The following TJP3 variants were observed in gnomAD, a reference collection of about 807,000 sequenced individuals.
TJP3 encodes tight junction protein ZO-3.
In TJP3, 85 loss-of-function variants were observed where a neutral mutation model predicts 104.2. That is an observed-to-expected ratio of 0.82 (90% CI 0.68 to 0.98). TJP3 has a LOEUF of 0.98. Ranked by LOEUF, TJP3 falls within the 50% of genes least tolerant of loss-of-function variation. The probability of loss-of-function intolerance (pLI) is 0.00; values close to 1 mark genes in which losing one functional copy is unlikely to be tolerated. For missense variants in TJP3, 1,367 were observed against 1,322.8 expected (o/e 1.03, Z -0.52); for synonymous variants, 550 against 550.6 (o/e 1.00, Z 0.02).
At position 3,718,220 on chromosome 19, in the gene TJP3, T is replaced by TGTGG. The variant is rs1242979788; in HGVS notation, c.-10+9662_-10+9663insGGTG. Among the ~76,000 whole-genome samples the TGTGG allele has an allele frequency of 2.8e-4, 18 of 63,520 alleles. No individual in the cohort carries two copies. In the South Asian group the frequency reaches 0.01, roughly 35 times the overall value. 41.7% of individuals were successfully genotyped at this position (63,520 alleles called of 152,430 possible). ...AAAAAAAAAAAAAAAAAAGTGTGTGTGTGTGTGTGTGTGTGTGTGTGTGTG... is the reference window on the plus strand; with the variant it reads ...AAAAAAAAAAAAAAAAAAGTGTGTGTGTGGGTGTGTGTGTGTGTGTGTGTGTGTG... On this transcript the variant is annotated intron_variant, in intron 1 of 20. Transcript: ENST00000541714.
chr19:3,738,785 T>C (rs1214843750), intron 12 of TJP3, 112 bp from the exon 13 acceptor site: 19 of 1,334,938 alleles, frequency 1.4e-5, no homozygotes, highest in Non-Finnish European at 1.7e-5. Flanking sequence ...TCCCTCTCCC[T>C]GGCCCCTACA....
In TJP3 at chr19:3,730,277, C is replaced by A; in HGVS notation, c.262-78C>A. On this transcript the variant is annotated intron_variant, in intron 4 of 20. Transcript: ENST00000541714. This position sits in a 1 kb window ranked among gnomAD's most constrained non-coding sequence, Gnocchi z 7.3. ...GGCCCAGAGAGAGACTGGTGTCCCCCAGGGCCACCCGGGGGCTGAGCAGAG... is the reference window on the plus strand; with the variant it reads ...GGCCCAGAGAGAGACTGGTGTCCCCAAGGGCCACCCGGGGGCTGAGCAGAG... The A allele has an allele frequency of 1.3e-6, 2 of 1,488,138 alleles. No homozygotes were observed. Among genetic ancestry groups the A allele is most frequent in the Admixed American group, 2.0e-5 (1 of 48,846 alleles). The allele number at this position is 1,488,138 out of a possible 1,614,324, so 92.2% of individuals were successfully genotyped here.
intron 11 of TJP3, 21 bp downstream of exon 11, chr19:3,736,342 C>T (rs746930780): frequency 6.6e-7 from 1 of 1,513,596 alleles, no homozygotes; most frequent in Non-Finnish European, 8.8e-7. Flanking sequence ...GGCGGCTGGC[C>T]AGCCCCACTG....
chr19:3,723,227 A>G (rs910528132), intron 1 of TJP3, among the ~76,000 whole-genome samples: 28 of 152,282 alleles, frequency 1.8e-4, no homozygotes, highest in Middle Eastern at 3.4e-3. Context: ...CTGACATCCC[A>G]CACCCCAATC....
At position 3,730,714 on chromosome 19, in the gene TJP3, G is replaced by A. The variant is rs1481796077; in HGVS notation, c.613+8G>A. On this transcript the variant is annotated splice_region_variant and intron_variant, in intron 5 of 20. Coordinates refer to ENST00000541714, the MANE Select transcript of TJP3 (RefSeq NM_001267560.2). This position sits in a 1 kb window ranked among gnomAD's most constrained non-coding sequence, Gnocchi z 7.3. ...AGAGGAGAGACAGCGAAGGTCAGAA[G>A]AGGCGGGAGGTCGGACACGATCAGT... 2 of 1,602,760 alleles carry A rather than the reference G, an allele frequency of 1.2e-6. No individual in the cohort carries two copies. Among genetic ancestry groups the A allele is most frequent in the Non-Finnish European group, 8.5e-7 (1 of 1,179,604 alleles).
chr19:3,748,953 T>G (rs2036948489), intron 19 of TJP3, among the ~76,000 whole-genome samples: 1 of 146,782 alleles, frequency 6.8e-6, no homozygotes, highest in African/African-American at 2.5e-5. Context: ...CGGCCTCCTG[T>G]GTTCAAGCGT....
chr19:3,725,016 T>A (rs1427614598), intron 1 of TJP3, among the ~76,000 whole-genome samples: 1 of 152,122 alleles, frequency 6.6e-6, no homozygotes, highest in Non-Finnish European at 1.5e-5. Flanking sequence ...ATTCCAACAC[T>A]TTAGGAGGCT....
At chr19:3,743,914 C>G in intron 14 of TJP3, 25 bp from the exon 15 acceptor site, 1 of 1,610,978 alleles carries the variant, frequency 6.2e-7, no homozygotes, top group Non-Finnish European at 8.5e-7. Context: ...GACCCTGATT[C>G]TTTCACTGTG....
chr19:3,737,095 G>C (rs1301522320), intron 11 of TJP3, among the ~76,000 whole-genome samples: 3 of 151,940 alleles, frequency 2.0e-5, no homozygotes, highest in African/African-American at 4.8e-5. Flanking sequence ...GGCCAGGCTG[G>C]TCTTGAACTC....
In TJP3 at chr19:3,746,921, C is replaced by T. The variant is rs145356635; in HGVS notation, c.2322+45C>T. On this transcript the variant is annotated intron_variant, in intron 18 of 20. Coordinates refer to ENST00000541714, the MANE Select transcript of TJP3 (RefSeq NM_001267560.2). This position sits in a 1 kb window ranked among gnomAD's most constrained non-coding sequence, Gnocchi z 4.1. ...GGGTCGGGCAGGGAGGCCCCACAGA[C>T]GCTGTGCAGGCCCAGCTGGGGTTTG... 4,832 of 1,536,098 alleles carry T rather than the reference C, an allele frequency of 3.1e-3. 8 individuals carry two copies. Among genetic ancestry groups the T allele is most frequent in the Middle Eastern group, 8.4e-3 (37 of 4,412 alleles).
intron 11 of TJP3, 110 bp downstream of exon 11, chr19:3,736,431 A>AC (rs1406217768): frequency 1.8e-6 from 2 of 1,119,222 alleles, no homozygotes; most frequent in African/African-American, 3.2e-5. Context: ...GACTGTCGAG[A>AC]CCCCAGATGG....
chr19:3,748,848 CTTTTTTTT>C (rs71166925), intron 19 of TJP3, among the ~76,000 whole-genome samples: 5 of 48,840 alleles, frequency 1.0e-4, no homozygotes, highest in Admixed American at 6.4e-4. Flanking sequence ...TGCACCCGGC[CTTTTTTTT>C]TTTTTTTTTT....
chr19:3,740,133 G>A (rs1225320964), intron 13 of TJP3, among the ~76,000 whole-genome samples: 1 of 152,198 alleles, frequency 6.6e-6, no homozygotes, highest in African/African-American at 2.4e-5. Context: ...TTGGGAGGCT[G>A]AGGCATGAGA....
At chr19:3,714,799 T>A (rs999457432) in intron 1 of TJP3, among the ~76,000 whole-genome samples, 1 of 152,038 alleles carries the variant, frequency 6.6e-6, no homozygotes, top group African/African-American at 2.4e-5. Flanking sequence ...GGGGTTGAGC[T>A]GGCTCATCCC....
At position 3,739,023 on chromosome 19, in the gene TJP3, C is replaced by T. The variant is rs768222711; in HGVS notation, c.1520C>T (p.Thr507Met). 66 of 1,612,414 alleles carry T rather than the reference C, an allele frequency of 4.1e-5. 1 individual carries two copies. Among genetic ancestry groups the T allele is most frequent in the South Asian group, 3.5e-4 (32 of 90,974 alleles). ...GGCGACGTCTTCCACGTGCTGGACA[C>T]GCTGCACCCCGGCCCCGGGCAGAGC... ...TRGDVFHVLD[T>M]LHPGPGQSHA... Residue 507 changes from threonine (T) to methionine (M), a missense_variant, in exon 13 of 21, where the codon ACG becomes ATG. Physicochemically the swap from Thr to Met is moderately conservative, Grantham distance 81 (BLOSUM62 -1). Coordinates refer to ENST00000541714, the MANE Select transcript of TJP3 (RefSeq NM_001267560.2).
At position 3,730,718 on chromosome 19, in the gene TJP3, C is replaced by T. The variant is rs184725119; in HGVS notation, c.613+12C>T. Reference sequence around the variant, plus strand: ...GAGAGACAGCGAAGGTCAGAAGAGGCGGGAGGTCGGACACGATCAGTACTG... The same window carrying T: ...GAGAGACAGCGAAGGTCAGAAGAGGTGGGAGGTCGGACACGATCAGTACTG... On this transcript the variant is annotated intron_variant, in intron 5 of 20. Coordinates refer to ENST00000541714, the MANE Select transcript of TJP3 (RefSeq NM_001267560.2). This position sits in a 1 kb window ranked among gnomAD's most constrained non-coding sequence, Gnocchi z 7.3. 450 of 1,601,008 alleles carry T rather than the reference C, an allele frequency of 2.8e-4. 1 individual carries two copies. In the African/African-American group the frequency reaches 5.4e-3, roughly 19 times the overall value.
intron 1 of TJP3, among the ~76,000 whole-genome samples, chr19:3,719,795 C>T (rs899807846): frequency 4.0e-5 from 6 of 150,874 alleles, no homozygotes; most frequent in African/African-American, 1.2e-4. Flanking sequence ...TGAGAAGGTG[C>T]GTTGAAATGC....
intron 1 of TJP3, among the ~76,000 whole-genome samples, chr19:3,711,448 C>G (rs2036433224): frequency 6.6e-6 from 1 of 151,480 alleles, no homozygotes. Context: ...ATTCGCTCGC[C>G]TCGGCCTCCC....
At position 3,730,295 on chromosome 19, in the gene TJP3, G is replaced by A; in HGVS notation, c.262-60G>A. 6.7e-7 allele frequency: 1 copy of A among 1,500,606 alleles called. No homozygotes were observed. Among genetic ancestry groups the A allele is most frequent in the Non-Finnish European group, 8.9e-7 (1 of 1,117,918 alleles). The allele number at this position is 1,500,606 out of a possible 1,614,324, so 93.0% of individuals were successfully genotyped here. On this transcript the variant is annotated intron_variant, in intron 4 of 20. Coordinates refer to ENST00000541714, the MANE Select transcript of TJP3 (RefSeq NM_001267560.2). The surrounding 1 kb of genome is among the most constrained non-coding windows in gnomAD (Gnocchi z 7.3). The stretch of plus-strand genomic sequence containing the variant: ...TGTCCCCCAGGGCCACCCGGGGGCT[G>A]AGCAGAGCCTCCCCCAGCCCTTGCC...
Sources: gnomAD v4.1 joint callset for allele counts (sites outside exome capture counted in the v4.1 genomes callset) on GRCh38, gnomAD v4.1.1 for gene constraint, Gnocchi (gnomAD v3.1) non-coding constraint, MANE v1.5 for transcripts, NCBI Gene and HGNC (gene_info 2026-07-23, HGNC 2026-07-21) for gene names.